The following TULP4 variants were observed in gnomAD, a reference collection of about 807,000 sequenced individuals.
TULP4 encodes TUB like protein 4.
Under a neutral mutation model 129.0 loss-of-function variants are expected in TULP4, and 16 were observed. The ratio of observed to expected loss-of-function variants is 0.12; its 90% CI spans 0.08 to 0.19. The LOEUF (loss-of-function observed/expected upper bound fraction) is 0.19. TULP4 is among the 10% of genes least tolerant of loss of function. The pLI, the probability that TULP4 is intolerant of heterozygous loss-of-function variation, is 1.00. For missense variants in TULP4, 1,842 were observed against 2,059.1 expected, an observed-to-expected ratio of 0.89 and a Z score of 2.04; for synonymous variants, 998 against 854.0, an observed-to-expected ratio of 1.17 and a Z score of -2.94.
At chr6:158,457,813 T>G (rs1779327404) in intron 5 of TULP4, among the ~76,000 whole-genome samples, 2 of 152,286 alleles carry the variant, frequency 1.3e-5, no homozygotes, top group Admixed American at 6.5e-5. Flanking sequence ...GTGGTTTCAG[T>G]CATTGATGCC....
chr6:158,388,454 T>TA (rs1303996028), intron 1 of TULP4, among the ~76,000 whole-genome samples: 1 of 149,700 alleles, frequency 6.7e-6, no homozygotes, highest in Non-Finnish European at 1.5e-5. Flanking sequence ...CTCAGCTTCC[T>TA]GAGTAGCTGA....
chr6:158,330,415 C>G (rs1779850313), intron 1 of TULP4, among the ~76,000 whole-genome samples: 1 of 152,224 alleles, frequency 6.6e-6, no homozygotes, highest in African/African-American at 2.4e-5. Flanking sequence ...AAAGAATACT[C>G]TTACTCAAAT....
At position 158,364,576 on chromosome 6, in the gene TULP4, T is replaced by A. The variant is rs184601522; in HGVS notation, c.253-48489T>A. The stretch of plus-strand genomic sequence containing the variant: ...TTGTCTTAGAACTTTGAAAATATGA[T>A]GTTATTGCCTTCTGTTATTCATTGT... On this transcript the variant is annotated intron_variant, in intron 1 of 13. Transcript: ENST00000367097. Among the ~76,000 whole-genome samples, 377 of 152,344 alleles carry A rather than the reference T, an allele frequency of 2.5e-3. 2 individuals carry two copies. Among genetic ancestry groups the A allele is most frequent in the Admixed American group, 4.2e-3 (64 of 15,300 alleles).
intron 8 of TULP4, 62 bp from the exon 9 acceptor site, chr6:158,489,526 A>G: frequency 1.3e-6 from 2 of 1,599,848 alleles, no homozygotes; most frequent in African/African-American, 2.7e-5. Flanking sequence ...TATAGTAATG[A>G]TCATTGGTAG....
chr6:158,319,198 C>T (rs1441903522), intron 1 of TULP4, among the ~76,000 whole-genome samples: 1 of 152,074 alleles, frequency 6.6e-6, no homozygotes, highest in Non-Finnish European at 1.5e-5. Flanking sequence ...GGGGGCTGCC[C>T]AGACCTGTGG....
chr6:158,504,377 C>T (rs1327629357), intron 13 of TULP4, among the ~76,000 whole-genome samples, 199 bp downstream of exon 13: 1 of 151,520 alleles, frequency 6.6e-6, no homozygotes, highest in Non-Finnish European at 1.5e-5. Context: ...GAGACCGTCT[C>T]GCTCTGTGGC....
At chr6:158,438,484 G>C (rs1386090411) in intron 3 of TULP4, among the ~76,000 whole-genome samples, 1 of 152,182 alleles carries the variant, frequency 6.6e-6, no homozygotes, top group East Asian at 1.9e-4. Flanking sequence ...TCCTTTGTCG[G>C]CATAGTCAGA....
intron 1 of TULP4, among the ~76,000 whole-genome samples, chr6:158,326,082 A>T (rs1779740327): frequency 6.6e-6 from 1 of 152,148 alleles, no homozygotes; most frequent in African/African-American, 2.4e-5. Context: ...TTCCAGTATT[A>T]CTGTATCACA....
intron 1 of TULP4, among the ~76,000 whole-genome samples, chr6:158,335,571 C>T (rs1344207987): frequency 6.6e-6 from 1 of 152,172 alleles, no homozygotes; most frequent in African/African-American, 2.4e-5. Flanking sequence ...CTTCATCCAC[C>T]CATCTTGTAG....
At chr6:158,245,867 G>A (rs1287360481) in intron 1 of TULP4, among the ~76,000 whole-genome samples, 2 of 152,166 alleles carry the variant, frequency 1.3e-5, no homozygotes, top group Non-Finnish European at 2.9e-5. Flanking sequence ...AGGCTGAGCC[G>A]AGAGGATCTA....
intron 1 of TULP4, among the ~76,000 whole-genome samples, chr6:158,409,781 A>T (rs747693911): frequency 2.6e-5 from 4 of 152,186 alleles, no homozygotes; most frequent in Admixed American, 2.0e-4. Flanking sequence ...CTTTTCGTTT[A>T]TACTAGTTGG....
At chr6:158,482,141 A>C (rs1394280050) in intron 8 of TULP4, among the ~76,000 whole-genome samples, 1 of 152,134 alleles carries the variant, frequency 6.6e-6, no homozygotes, top group Non-Finnish European at 1.5e-5. Flanking sequence ...ATTTGTTTTC[A>C]TTAGTTCATG....
intron 2 of TULP4, among the ~76,000 whole-genome samples, chr6:158,416,852 T>A (rs956766616): frequency 3.3e-5 from 5 of 152,240 alleles, no homozygotes; most frequent in Non-Finnish European, 7.3e-5. Flanking sequence ...ACTGTATTCT[T>A]ACTGTATGTT....
At chr6:158,232,364 G>A (rs1346462564) in intron 1 of TULP4, 7 of 147,260 alleles carry the variant, frequency 4.8e-5, no homozygotes, top group Non-Finnish European at 1.1e-4. Context: ...GCGCCGGCCC[G>A]AGCGTCGTCC....
chr6:158,286,877 T>C (rs1313686267), intron 1 of TULP4, among the ~76,000 whole-genome samples: 1 of 152,208 alleles, frequency 6.6e-6, no homozygotes, highest in African/African-American at 2.4e-5. Context: ...ATAGTGAACA[T>C]AATAGGACTT....
intron 1 of TULP4, among the ~76,000 whole-genome samples, chr6:158,253,201 C>G (rs1778176402): frequency 6.6e-6 from 1 of 152,200 alleles, no homozygotes; most frequent in Admixed American, 6.5e-5. Flanking sequence ...TATGTTGTTG[C>G]TGATTTTTAA....
At chr6:158,261,776 C>T (rs1778356712) in intron 1 of TULP4, among the ~76,000 whole-genome samples, 1 of 152,104 alleles carries the variant, frequency 6.6e-6, no homozygotes, top group Admixed American at 6.6e-5. Context: ...TCCAGGATTC[C>T]TCCGCCTTTC....
intron 1 of TULP4, among the ~76,000 whole-genome samples, chr6:158,335,302 CT>C (rs1780008743): frequency 6.7e-6 from 1 of 149,390 alleles, no homozygotes; most frequent in African/African-American, 2.5e-5. Context: ...AATTTTTGTT[CT>C]TTATAAGTAC....
intron 1 of TULP4, among the ~76,000 whole-genome samples, chr6:158,326,707 C>G (rs1481251763): frequency 6.6e-6 from 1 of 152,112 alleles, no homozygotes. Context: ...TTTTTAGAAG[C>G]ATAGTAGTTA....
Sources: gnomAD v4.1 joint callset for allele counts (sites outside exome capture counted in the v4.1 genomes callset) on GRCh38, gnomAD v4.1.1 for gene constraint, MANE v1.5 for transcripts, NCBI Gene and HGNC (gene_info 2026-07-23, HGNC 2026-07-21) for gene names.